SGSH: variants seen among roughly 807,000 people sequenced by gnomAD.
SGSH encodes the protein N-sulfoglucosamine sulfohydrolase.
A neutral mutation model predicts 51.0 loss-of-function variants in SGSH; 48 were observed. The ratio of observed to expected loss-of-function variants is 0.94; its 90% CI spans 0.75 to 1.20. The LOEUF is 1.20. SGSH is among the 50% of genes most tolerant of loss of function. The pLI is 0.00. For synonymous variants in SGSH, 321 were observed against 313.4 expected (o/e 1.02, Z -0.26); for missense variants, 662 against 717.8 (o/e 0.92, Z 0.89).
Position 80,212,068 on chromosome 17 carries a change from T to C in SGSH, c.949+3A>G. On this transcript the variant is annotated splice_donor_region_variant and intron_variant, in intron 7 of 7. Transcript: ENST00000326317. The surrounding 1 kb of genome is among the most constrained non-coding windows in gnomAD (Gnocchi z 5.9). ...TTCCTGACGGAGACAGACAAAGGCA[T>C]ACCTAGGAGGCTCACGTAGGCCTCG... 1 of 1,612,874 alleles carries C rather than the reference T, an allele frequency of 6.2e-7. No individual in the cohort carries two copies. The highest frequency in any genetic ancestry group is 8.5e-7 in the Non-Finnish European group (1 of 1,179,584).
rs772080776 is a variant in SGSH at position 80,210,771 on chromosome 17, G to A, written c.1190C>T (p.Pro397Leu). Residue 397 changes from proline (P) to leucine (L), a missense_variant, in exon 8 of 8, where the codon CCC becomes CTC. Pro to Leu is a moderately conservative substitution (Grantham distance 98). Transcript: ENST00000326317. Reference sequence around the variant, plus strand: ...TGAGACGTAGAAGTCCTGGTCGATGGGAAAGGGCATCTTGAAGTTGAGGTT... The same window carrying A: ...TGAGACGTAGAAGTCCTGGTCGATGAGAAAGGGCATCTTGAAGTTGAGGTT... ...VHNLNFKMPF[P>L]IDQDFYVSPT... 30 of 1,613,948 alleles carry A rather than the reference G, an allele frequency of 1.9e-5. No homozygotes were observed. Among genetic ancestry groups the A allele is most frequent in the Non-Finnish European group, 2.5e-5 (29 of 1,180,048 alleles).
At chr17:80,203,928 G>A (rs1367828387), downstream of SGSH, 1 of 1,499,032 alleles carries the variant, frequency 6.7e-7, no homozygotes. The surrounding 1 kb of genome is among the most constrained non-coding windows in gnomAD (Gnocchi z 4.6). Flanking sequence ...GGGGTGGGCT[G>A]GAAGAGGGGC....
the SGSH span, chr17:80,200,876 GCA>G: frequency 6.6e-6 from 1 of 152,458 alleles, no homozygotes; most frequent in Non-Finnish European, 1.5e-5. Context: ...TCCCTCACTT[GCA>G]CAGTTCACGA....
At chr17:80,214,910 G>C in intron 3 of SGSH, 123 bp downstream of exon 3, 7 of 1,299,878 alleles carry the variant, frequency 5.4e-6, no homozygotes, top group Non-Finnish European at 5.4e-6. Flanking sequence ...GATCCTTTGG[G>C]ACAAGAGCTA....
rs559165082 is a variant in SGSH, at chr17:80,213,795, C to T, written c.745+9G>A. 1.3e-5 allele frequency: 20 copies of T among 1,595,998 alleles called. No homozygotes were observed. In the South Asian group the frequency reaches 2.3e-4, roughly 18 times the overall value. On this transcript the variant is annotated intron_variant, in intron 6 of 7. Transcript: ENST00000326317. The surrounding 1 kb of genome is among the most constrained non-coding windows in gnomAD (Gnocchi z 4.6). ...GCACCCCCTCCAGTGCCCGGTTCTGCAAGCCCACCTTGGTCCATGCGGCCG... is the reference window on the plus strand; with the variant it reads ...GCACCCCCTCCAGTGCCCGGTTCTGTAAGCCCACCTTGGTCCATGCGGCCG...
At chr17:80,202,663 T>G, downstream of SGSH, 1 of 1,331,422 alleles carries the variant, frequency 7.5e-7, no homozygotes, top group Non-Finnish European at 9.8e-7. Context: ...AGCTCTGGGT[T>G]TCTTAGCTTT....
At position 80,212,416 on chromosome 17, in the gene SGSH, C is replaced by A; in HGVS notation, c.746-142G>T. On this transcript the variant is annotated intron_variant, in intron 6 of 7. Coordinates refer to ENST00000326317, the MANE Select transcript of SGSH (RefSeq NM_000199.5). This position sits in a 1 kb window ranked among gnomAD's most constrained non-coding sequence, Gnocchi z 5.9. ...TTCGAAAGCACCCTGTAGTTCTTCC[C>A]AATGGCCCTGGCTCTTGCCCAGCTC... 1.3e-6 allele frequency: 1 copy of A among 750,140 alleles called. No homozygotes were observed. The highest frequency in any genetic ancestry group is 2.3e-6 in the Non-Finnish European group (1 of 432,452). 46.5% of individuals were successfully genotyped at this position (750,140 alleles called of 1,614,324 possible).
At chr17:80,208,396 G>A, downstream of SGSH, 1 of 1,474,300 alleles carries the variant, frequency 6.8e-7, no homozygotes, top group African/African-American at 1.4e-5. Context: ...GCCTGTTAAT[G>A]CAGTCCTGTT....
chr17:80,208,653 G>A (rs1476982321), downstream of SGSH: 2 of 310,234 alleles, frequency 6.4e-6, no homozygotes, highest in Non-Finnish European at 1.2e-5. Context: ...GCCTTCCCTA[G>A]AACCGGAGGC....
chr17:80,210,974 C>T lies in SGSH; in HGVS notation c.987G>A (p.Pro329=), dbSNP rs752176531. The change falls in exon 8 of 8, where the codon CCG becomes CCA. Residue 329 remains proline, a synonymous_variant. Transcript: ENST00000326317. ...TPTILDWFSI[P]YPSYAIFGSK... is the part of the protein sequence containing the mutation. ...AGCCAAAGATGGCGTAGCTGGGGTA[C>T]GGGATCGAGAACCAATCCAAGATGG... 1.0e-5 allele frequency: 16 copies of T among 1,599,786 alleles called. No homozygotes were observed. Among genetic ancestry groups the T allele is most frequent in the Middle Eastern group, 1.6e-4 (1 of 6,082 alleles).
chr17:80,215,187 C>T (rs745581201), intron 2 of SGSH, 49 bp from the exon 3 acceptor site: 11 of 1,382,986 alleles, frequency 8.0e-6, no homozygotes, highest in East Asian at 2.4e-5. Context: ...AGCCAGAGCC[C>T]GCCTGCCGCA....
chr17:80,201,892 T>C (rs1235934536), downstream of SGSH: 2 of 1,592,208 alleles, frequency 1.3e-6, no homozygotes, highest in Non-Finnish European at 1.7e-6. The surrounding 1 kb of genome is among the most constrained non-coding windows in gnomAD (Gnocchi z 5.0). Context: ...ACTCCTCTCG[T>C]GTGCACAGCT....
At chr17:80,208,956 C>G (rs7208218), downstream of SGSH, 73,594 of 152,152 alleles carry the variant, frequency 0.48, 18,954 homozygotes, top group Non-Finnish European at 0.58. Context: ...AAAGCCTCTG[C>G]GTGGTGGAGA....
downstream of SGSH, chr17:80,205,319 A>C: frequency 1.8e-6 from 2 of 1,141,734 alleles, no homozygotes; most frequent in Non-Finnish European, 1.2e-6. Flanking sequence ...CACCACGCAC[A>C]TTCCCACACT....
intron 7 of SGSH, 76 bp downstream of exon 7, chr17:80,211,995 G>A (rs998690898): frequency 2.2e-5 from 26 of 1,197,438 alleles, no homozygotes; most frequent in Non-Finnish European, 3.1e-5. Flanking sequence ...TGGGTGTGGA[G>A]CAGCATCTGA....
At chr17:80,218,069 GGCATGCTACCT>G (rs2041957625) in intron 1 of SGSH, among the ~76,000 whole-genome samples, 1 of 152,266 alleles carries the variant, frequency 6.6e-6, no homozygotes, top group South Asian at 2.1e-4. Flanking sequence ...TACCCCAGCA[GGCATGCTACCT>G]GGGTGGGCGT....
In SGSH at chr17:80,212,624, C is replaced by T. The variant is rs751329348; in HGVS notation, c.746-350G>A. On this transcript the variant is annotated intron_variant, in intron 6 of 7. Coordinates refer to ENST00000326317, the MANE Select transcript of SGSH (RefSeq NM_000199.5). The surrounding 1 kb of genome is among the most constrained non-coding windows in gnomAD (Gnocchi z 5.9). ...AGCAAATAGGGCAGGGGCCAGAGGA[C>T]GAGGCTTCCTCTATACTCGCTCCTT... 25 of 391,190 alleles carry T rather than the reference C, an allele frequency of 6.4e-5. No homozygotes were observed. The highest frequency in any genetic ancestry group is 1.5e-4 in the Admixed American group (4 of 27,398). The allele number at this position is 391,190 out of a possible 1,614,324, so 24.2% of individuals were successfully genotyped here. A position where few individuals can be genotyped will look rare whatever the true frequency, so the allele number is the denominator to read the frequency against.
At chr17:80,202,805 C>T (rs371728157), downstream of SGSH, 121 of 249,722 alleles carry the variant, frequency 4.8e-4, 2 homozygotes, top group South Asian at 7.3e-3. Flanking sequence ...GCTGTGACAA[C>T]CAGAAATGTC....
chr17:80,212,331 G>T lies in SGSH; in HGVS notation c.746-57C>A. On this transcript the variant is annotated intron_variant, in intron 6 of 7. Transcript: ENST00000326317. This position sits in a 1 kb window ranked among gnomAD's most constrained non-coding sequence, Gnocchi z 5.9. ...CCGCAGACACGGAGGGAGGCAGCGG[G>T]TGGTGTGTGTAGACCCACCTGCTGC... The T allele has an allele frequency of 1.4e-6, 2 of 1,476,950 alleles. No individual in the cohort carries two copies. The highest frequency in any genetic ancestry group is 1.9e-6 in the Non-Finnish European group (2 of 1,078,658). The allele number at this position is 1,476,950 out of a possible 1,614,324, so 91.5% of individuals were successfully genotyped here.
Sources: allele counts gnomAD v4.1 joint callset (sites outside exome capture counted in the v4.1 genomes callset), GRCh38; gene constraint gnomAD v4.1.1; non-coding constraint Gnocchi (gnomAD v3.1); transcripts MANE v1.5; gene names NCBI Gene and HGNC (gene_info 2026-07-23, HGNC 2026-07-21).